RORB: variants seen among roughly 807,000 people sequenced by gnomAD.
RORB encodes the protein RAR related orphan receptor B, also known as nuclear receptor ROR-beta.
Under a neutral mutation model 59.1 loss-of-function variants are expected in RORB, and 6 were observed. The ratio of observed to expected loss-of-function variants is 0.10; its 90% confidence interval spans 0.06 to 0.20. The LOEUF is 0.20. RORB is among the 10% of genes least tolerant of loss of function. The pLI is 1.00. For synonymous variants in RORB, 215 were observed against 204.5 expected, an observed-to-expected ratio of 1.05 and a Z score of -0.44; for missense variants, 320 against 560.5, an observed-to-expected ratio of 0.57 and a Z score of 4.33.
At chr9:74,623,183 A>T (rs1014855355) in intron 1 of RORB, among the ~76,000 whole-genome samples, 2 of 152,174 alleles carry the variant, frequency 1.3e-5, no homozygotes, top group African/African-American at 4.8e-5. Flanking sequence ...TAACTGTTTC[A>T]AGAAAGCCTT....
At chr9:74,610,294 A>G (rs137956350) in intron 1 of RORB, among the ~76,000 whole-genome samples, 140 of 152,320 alleles carry the variant, frequency 9.2e-4, no homozygotes, top group African/African-American at 3.1e-3. Flanking sequence ...TTTTTTAAAA[A>G]GCTCCCCAAG....
intron 1 of RORB, among the ~76,000 whole-genome samples, chr9:74,618,620 C>A (rs1383468727): frequency 6.6e-6 from 1 of 152,032 alleles, no homozygotes; most frequent in Non-Finnish European, 1.5e-5. Flanking sequence ...TACTTATTTT[C>A]AAACTCTCTG....
intron 1 of RORB, among the ~76,000 whole-genome samples, chr9:74,560,333 G>C (rs1329554482): frequency 6.6e-6 from 1 of 152,132 alleles, no homozygotes; most frequent in Non-Finnish European, 1.5e-5. Flanking sequence ...ATTCGAAGTA[G>C]GGTGGCGGAA....
intron 1 of RORB, among the ~76,000 whole-genome samples, chr9:74,616,646 A>G (rs765071748): frequency 6.6e-6 from 1 of 152,230 alleles, no homozygotes; most frequent in East Asian, 1.9e-4. Flanking sequence ...TCAGAAATTA[A>G]TAACACTAGA....
At chr9:74,548,244 T>G (rs1826534374) in intron 1 of RORB, among the ~76,000 whole-genome samples, 1 of 152,212 alleles carries the variant, frequency 6.6e-6, no homozygotes, top group Admixed American at 6.5e-5. Context: ...TAGCTTCTCT[T>G]ATGATCACCT....
At chr9:74,529,568 A>C (rs1826204885) in intron 1 of RORB, among the ~76,000 whole-genome samples, 1 of 151,704 alleles carries the variant, frequency 6.6e-6, no homozygotes, top group Admixed American at 6.6e-5. Flanking sequence ...AAAATAGTAA[A>C]ATATACTATT....
At chr9:74,678,282 G>T (rs1399670232) in intron 9 of RORB, among the ~76,000 whole-genome samples, 1 of 152,162 alleles carries the variant, frequency 6.6e-6, no homozygotes. Context: ...AAATGTTTGA[G>T]AGGCCCAGAA....
At chr9:74,629,485 A>G (rs1249196402) in intron 1 of RORB, among the ~76,000 whole-genome samples, 1 of 151,868 alleles carries the variant, frequency 6.6e-6, no homozygotes, top group East Asian at 1.9e-4. Flanking sequence ...CAGGCCTCCA[A>G]TCTTTTTTCA....
chr9:74,515,573 G>T (rs536505440), intron 1 of RORB, among the ~76,000 whole-genome samples: 234 of 151,982 alleles, frequency 1.5e-3, no homozygotes, highest in African/African-American at 5.1e-3. Flanking sequence ...ATTCCTCCAA[G>T]AATCTAAAAT....
chr9:74,545,017 G>A (rs924606087), intron 1 of RORB, among the ~76,000 whole-genome samples: 3 of 152,036 alleles, frequency 2.0e-5, no homozygotes, highest in Admixed American at 2.0e-4. Flanking sequence ...TGAATATGGG[G>A]ATGTATTGAA....
chr9:74,673,134 C>T (rs188144375), intron 9 of RORB, among the ~76,000 whole-genome samples: 2 of 152,338 alleles, frequency 1.3e-5, no homozygotes, highest in East Asian at 3.9e-4. Flanking sequence ...AAATCACCTA[C>T]TCTCTGCACC....
chr9:74,512,852 T>C (rs1416274904), intron 1 of RORB, among the ~76,000 whole-genome samples: 1 of 152,148 alleles, frequency 6.6e-6, no homozygotes, highest in Non-Finnish European at 1.5e-5. Context: ...TTGAACTCTC[T>C]CACTCATTTC....
intron 1 of RORB, among the ~76,000 whole-genome samples, chr9:74,625,511 G>A (rs1823497216): frequency 6.6e-6 from 1 of 152,188 alleles, no homozygotes; most frequent in Admixed American, 6.5e-5. Flanking sequence ...ATACTCAGGA[G>A]GCTGAGATGG....
At chr9:74,519,736 G>T (rs552964790) in intron 1 of RORB, among the ~76,000 whole-genome samples, 2 of 151,982 alleles carry the variant, frequency 1.3e-5, no homozygotes, top group South Asian at 4.2e-4. Flanking sequence ...ATTCTGTGAA[G>T]GTCAGGAAGC....
At chr9:74,508,713 A>C (rs1175892212) in intron 1 of RORB, among the ~76,000 whole-genome samples, 1 of 152,076 alleles carries the variant, frequency 6.6e-6, no homozygotes, top group Non-Finnish European at 1.5e-5. Flanking sequence ...AAAAGTCTTA[A>C]GGAATTCCTT....
intron 2 of RORB, among the ~76,000 whole-genome samples, chr9:74,633,972 A>T (rs1476357303): frequency 6.6e-6 from 1 of 151,892 alleles, no homozygotes; most frequent in African/African-American, 2.4e-5. Context: ...CTGAGGCAGG[A>T]GGATCACTTG....
intron 1 of RORB, among the ~76,000 whole-genome samples, chr9:74,559,967 T>A (rs1822370108): frequency 6.6e-6 from 1 of 152,204 alleles, no homozygotes; most frequent in Non-Finnish European, 1.5e-5. Context: ...GCAAACCATT[T>A]GCAAAATGTC....
intron 1 of RORB, among the ~76,000 whole-genome samples, chr9:74,565,793 G>A (rs1447398125): frequency 1.3e-5 from 2 of 152,088 alleles, no homozygotes; most frequent in Non-Finnish European, 2.9e-5. Context: ...CAGATATGCT[G>A]TTGAGTGAGA....
chr9:74,675,448 T>C (rs2118557021), intron 9 of RORB, among the ~76,000 whole-genome samples: 2 of 152,208 alleles, frequency 1.3e-5, no homozygotes, highest in South Asian at 4.1e-4. Flanking sequence ...TGCATGGTCT[T>C]TAAGGTCTCT....
Sources: allele counts gnomAD v4.1 joint callset (sites outside exome capture counted in the v4.1 genomes callset), GRCh38; gene constraint gnomAD v4.1.1; transcripts MANE v1.5; gene names NCBI Gene and HGNC (gene_info 2026-07-23, HGNC 2026-07-21).